PARD3B: variants seen among roughly 807,000 people sequenced by gnomAD.
The protein encoded by PARD3B is par-3 family cell polarity regulator beta, also known as partitioning defective 3 homolog B.
Under a neutral mutation model 130.2 loss-of-function variants are expected in PARD3B, and 103 were observed. The observed-to-expected ratio is 0.79, with a 90% CI of 0.67 to 0.93. The LOEUF (loss-of-function observed/expected upper bound fraction) is 0.93. Among genes scored for constraint, PARD3B ranks in the 40% least tolerant of loss-of-function variants. PARD3B has a pLI of 0.00. For synonymous variants in PARD3B, 583 were observed against 553.2 expected, an observed-to-expected ratio of 1.05 and a Z score of -0.76; for missense variants, 1,609 against 1,499.2, an observed-to-expected ratio of 1.07 and a Z score of -1.21.
chr2:204,812,733 T>G (rs1299322995), intron 2 of PARD3B, among the ~76,000 whole-genome samples: 1 of 152,214 alleles, frequency 6.6e-6, no homozygotes, highest in Non-Finnish European at 1.5e-5. Flanking sequence ...TACAGCCCAC[T>G]TGCCCAACTC....
chr2:205,566,451 G>A (rs1368955986), intron 22 of PARD3B, among the ~76,000 whole-genome samples: 1 of 152,088 alleles, frequency 6.6e-6, no homozygotes, highest in African/African-American at 2.4e-5. Context: ...TTGCATGTGG[G>A]GGTTTGAAGG....
In PARD3B at chr2:205,003,306, G is replaced by A. The variant is rs184925033; in HGVS notation, c.394+37983G>A. On this transcript the variant is annotated intron_variant, in intron 3 of 22. Coordinates refer to ENST00000406610, the MANE Select transcript of PARD3B (RefSeq NM_001302769.2). ...AAGCAACCTTATTTCTTCTACTTGC[G>A]ATCTTAATTTCTCCATAATAGGTTC... Among the ~76,000 whole-genome samples, 7 of 152,152 alleles carry A rather than the reference G, an allele frequency of 4.6e-5. No homozygotes were observed. The South Asian group carries it at 1.2e-3, about 27-fold the overall frequency.
In PARD3B at chr2:204,852,815, G is replaced by A. The variant is rs534426738; in HGVS notation, c.223-112337G>A. Among the ~76,000 whole-genome samples the A allele has an allele frequency of 2.6e-3, 401 of 152,216 alleles. 5 individuals are homozygous for A. The highest frequency in any genetic ancestry group is 9.2e-3 in the African/African-American group (382 of 41,544). ...AAATTTATTTAATTGAGATGGAATA[G>A]GGACTGTTGAATATTTAGTTGTCAC... On this transcript the variant is annotated intron_variant, in intron 2 of 22. Coordinates refer to ENST00000406610, the MANE Select transcript of PARD3B (RefSeq NM_001302769.2).
At chr2:204,886,715 G>T (rs540129096) in intron 2 of PARD3B, among the ~76,000 whole-genome samples, 43 of 152,286 alleles carry the variant, frequency 2.8e-4, no homozygotes, top group Non-Finnish European at 5.9e-4. Context: ...TTTCTCTTCA[G>T]TTCTAACAGA....
chr2:204,847,791 G>A (rs1449726329), intron 2 of PARD3B, among the ~76,000 whole-genome samples: 1 of 152,144 alleles, frequency 6.6e-6, no homozygotes, highest in Non-Finnish European at 1.5e-5. Context: ...AAGAGTCATT[G>A]TCAAGTGCCT....
At chr2:205,155,774 G>A (rs1575988595) in intron 10 of PARD3B, among the ~76,000 whole-genome samples, 2 of 152,066 alleles carry the variant, frequency 1.3e-5, no homozygotes, top group Admixed American at 6.5e-5. Flanking sequence ...TTGTGGTTTT[G>A]ATTTGCATTT....
intron 2 of PARD3B, among the ~76,000 whole-genome samples, chr2:204,774,038 C>G (rs1248558713): frequency 6.6e-6 from 1 of 151,890 alleles, no homozygotes; most frequent in African/African-American, 2.4e-5. Context: ...TGTAGTTTCC[C>G]TAATAGGAGT....
intron 2 of PARD3B, among the ~76,000 whole-genome samples, chr2:204,728,359 A>G (rs2039333902): frequency 6.6e-6 from 1 of 152,118 alleles, no homozygotes; most frequent in Non-Finnish European, 1.5e-5. Context: ...GGGCTTCAGG[A>G]TGGTGTGGAT....
intron 1 of PARD3B, among the ~76,000 whole-genome samples, chr2:204,598,447 G>A (rs983219748): frequency 1.3e-5 from 2 of 152,076 alleles, no homozygotes; most frequent in East Asian, 1.9e-4. Context: ...CCTACTGGCT[G>A]TGTAACTTTG....
chr2:204,805,320 G>T (rs2042727273), intron 2 of PARD3B, among the ~76,000 whole-genome samples: 1 of 152,016 alleles, frequency 6.6e-6, no homozygotes, highest in African/African-American at 2.4e-5. Flanking sequence ...TAGAAGAAAT[G>T]GATAAATTCC....
At position 205,426,119 on chromosome 2, in the gene PARD3B, A is replaced by G. The variant is rs559717859; in HGVS notation, c.2742-14251A>G. Among the ~76,000 whole-genome samples, 4 of 152,324 alleles carry G rather than the reference A, an allele frequency of 2.6e-5. No homozygotes were observed. In the South Asian group the frequency reaches 6.2e-4, roughly 24 times the overall value. On this transcript the variant is annotated intron_variant, in intron 19 of 22. Coordinates refer to ENST00000406610, the MANE Select transcript of PARD3B (RefSeq NM_001302769.2). ...TACTGAAGGAGATCGTTTAGAAAAT[A>G]TTATAGACACCCAGAGAGGAATGAG...
rs1012572217 is a variant in PARD3B at position 205,146,294 on chromosome 2, A to G, written c.1435-12428A>G. ...ATTGGAAGTATCTTCCTAAGGGCCC[A>G]GCTTCCCAAATGGGCTACTTCTCAG... On this transcript the variant is annotated intron_variant, in intron 10 of 22. Transcript: ENST00000406610. The surrounding 1 kb of genome is among the most constrained non-coding windows in gnomAD (Gnocchi z 4.3). Among the ~76,000 whole-genome samples the G allele has an allele frequency of 3.3e-5, 5 of 152,190 alleles. No homozygotes were observed. Among genetic ancestry groups the G allele is most frequent in the African/African-American group, 1.2e-4 (5 of 41,450 alleles).
intron 20 of PARD3B, among the ~76,000 whole-genome samples, chr2:205,462,055 T>C (rs2048470389): frequency 6.6e-6 from 1 of 152,228 alleles, no homozygotes; most frequent in Non-Finnish European, 1.5e-5. Context: ...GGGTACCAAA[T>C]ACATATTTGA....
At chr2:204,850,678 C>G (rs2044670632) in intron 2 of PARD3B, among the ~76,000 whole-genome samples, 1 of 152,070 alleles carries the variant, frequency 6.6e-6, no homozygotes, top group Non-Finnish European at 1.5e-5. Context: ...CCCCTGACTC[C>G]TACTGGATGG....
chr2:205,357,830 A>G (rs1324304414), intron 18 of PARD3B, among the ~76,000 whole-genome samples: 2 of 152,230 alleles, frequency 1.3e-5, no homozygotes, highest in African/African-American at 2.4e-5. Context: ...CAATAACATT[A>G]AAGCAGAAGA....
chr2:205,442,783 C>T (rs898735467), intron 20 of PARD3B, among the ~76,000 whole-genome samples: 4 of 152,132 alleles, frequency 2.6e-5, no homozygotes, highest in Non-Finnish European at 2.9e-5. Flanking sequence ...TCTATGTCGA[C>T]GTGACCAGAA....
At chr2:204,565,265 C>T (rs567823545) in intron 1 of PARD3B, among the ~76,000 whole-genome samples, 5 of 152,130 alleles carry the variant, frequency 3.3e-5, no homozygotes, top group African/African-American at 9.7e-5. Flanking sequence ...CAAGTCAGCT[C>T]GCAACACGGA....
rs185294160 is a variant in PARD3B at position 205,405,262 on chromosome 2, A to G, written c.2741+4139A>G. 9.2e-5 allele frequency among the ~76,000 whole-genome samples: 14 copies of G among 152,264 alleles called. No homozygotes were observed. In the East Asian group the frequency reaches 2.7e-3, roughly 29 times the overall value. Reference sequence around the variant, plus strand: ...TCTGGAGATATTTTTGATTGTCATAACTCGGGAAGAGGGGTGAGCAGTTAC... The same window carrying G: ...TCTGGAGATATTTTTGATTGTCATAGCTCGGGAAGAGGGGTGAGCAGTTAC... On this transcript the variant is annotated intron_variant, in intron 19 of 22. Coordinates refer to ENST00000406610, the MANE Select transcript of PARD3B (RefSeq NM_001302769.2). The surrounding 1 kb of genome is among the most constrained non-coding windows in gnomAD (Gnocchi z 4.1).
intron 18 of PARD3B, among the ~76,000 whole-genome samples, chr2:205,324,311 A>G (rs1277216037): frequency 6.6e-6 from 1 of 152,220 alleles, no homozygotes; most frequent in Admixed American, 6.5e-5. Context: ...TGCTAAAATA[A>G]ATAAAATATA....
Sources: gnomAD v4.1 joint callset for allele counts (sites outside exome capture counted in the v4.1 genomes callset) on GRCh38, gnomAD v4.1.1 for gene constraint, Gnocchi (gnomAD v3.1) non-coding constraint, MANE v1.5 for transcripts, NCBI Gene and HGNC (gene_info 2026-07-23, HGNC 2026-07-21) for gene names.